MGAT4C: variants seen among roughly 807,000 people sequenced by gnomAD.
The protein encoded by MGAT4C is alpha-1,3-mannosyl-glycoprotein 4-beta-N-acetylglucosaminyltransferase C.
MGAT4C carries 19 observed loss-of-function variants against 40.1 expected under a neutral mutation model. The observed-to-expected ratio is 0.47, with a 90% CI of 0.33 to 0.70. The LOEUF is 0.70. Among genes scored for constraint, MGAT4C ranks in the 30% least tolerant of loss-of-function variants. The pLI is 0.02. For missense variants in MGAT4C, 491 were observed against 563.2 expected, an observed-to-expected ratio of 0.87 and a Z score of 1.30; for synonymous variants, 181 against 187.1, an observed-to-expected ratio of 0.97 and a Z score of 0.27.
At chr12:86,094,053 TAG>T (rs1254510562) in intron 1 of MGAT4C, among the ~76,000 whole-genome samples, 2 of 152,172 alleles carry the variant, frequency 1.3e-5, no homozygotes, top group Admixed American at 1.3e-4. Flanking sequence ...TTGCCAGATT[TAG>T]AGATTGTGTA....
chr12:86,664,192 C>T (rs370664180), intron 2 of MGAT4C, among the ~76,000 whole-genome samples: 136 of 151,850 alleles, frequency 9.0e-4, no homozygotes, highest in African/African-American at 2.8e-3. Flanking sequence ...GTGTAACATC[C>T]GGAGACAATG....
intron 1 of MGAT4C, among the ~76,000 whole-genome samples, chr12:86,083,583 C>T (rs891414498): frequency 8.6e-5 from 13 of 151,884 alleles, no homozygotes; most frequent in African/African-American, 2.9e-4. Context: ...CACAGAGACA[C>T]GATTGAGGAT....
chr12:86,248,923 C>T (rs1952154320), intron 1 of MGAT4C, among the ~76,000 whole-genome samples: 1 of 152,098 alleles, frequency 6.6e-6, no homozygotes. Context: ...TTTCCATCTT[C>T]CCCCATTATT....
In MGAT4C at chr12:86,396,619, G is replaced by C. The variant is rs58696546; in HGVS notation, c.-120+38538C>G. Reference sequence around the variant, plus strand: ...CAAAATGAAACAAAAACACAAAGGTGGGGGAGAAGGAGTGAGATAGGATGC... The same window carrying C: ...CAAAATGAAACAAAAACACAAAGGTCGGGGAGAAGGAGTGAGATAGGATGC... On this transcript the variant is annotated intron_variant, in intron 3 of 7. Transcript: ENST00000548651. Among the ~76,000 whole-genome samples the C allele has an allele frequency of 4.4e-3, 673 of 152,216 alleles. 1 individual carries two copies. The highest frequency in any genetic ancestry group is 0.01 in the Middle Eastern group (3 of 294).
intron 2 of MGAT4C, among the ~76,000 whole-genome samples, chr12:86,546,234 T>C (rs904876326): frequency 6.6e-6 from 1 of 151,890 alleles, no homozygotes; most frequent in African/African-American, 2.4e-5. Context: ...GAAAACAATT[T>C]TCATCATTGA....
intron 2 of MGAT4C, among the ~76,000 whole-genome samples, chr12:86,670,778 C>T (rs190316777): frequency 2.0e-5 from 3 of 152,242 alleles, no homozygotes; most frequent in East Asian, 1.9e-4. Context: ...CTGTCCAAGG[C>T]CAATGCTAAA....
chr12:86,451,049 G>A (rs1430165781), intron 2 of MGAT4C, among the ~76,000 whole-genome samples: 2 of 152,108 alleles, frequency 1.3e-5, no homozygotes, highest in Non-Finnish European at 2.9e-5. Context: ...TTGGATGTAT[G>A]TCTCACACAA....
At chr12:86,042,725 G>T (rs1162198943) in intron 2 of MGAT4C, among the ~76,000 whole-genome samples, 1 of 151,812 alleles carries the variant, frequency 6.6e-6, no homozygotes, top group South Asian at 2.1e-4. Flanking sequence ...AAAATTAGCT[G>T]GGCGTGGTGG....
At chr12:86,668,845 C>A (rs1964179583) in intron 2 of MGAT4C, among the ~76,000 whole-genome samples, 1 of 152,170 alleles carries the variant, frequency 6.6e-6, no homozygotes, top group Non-Finnish European at 1.5e-5. Context: ...TGTGCCATTG[C>A]TTGGTGCTCA....
At chr12:86,469,570 T>G (rs1263683158) in intron 2 of MGAT4C, among the ~76,000 whole-genome samples, 1 of 152,170 alleles carries the variant, frequency 6.6e-6, no homozygotes, top group East Asian at 1.9e-4. Context: ...AACAGTCATG[T>G]GAATCAGGTA....
intron 1 of MGAT4C, among the ~76,000 whole-genome samples, chr12:86,767,619 A>G (rs1417579441): frequency 6.6e-6 from 1 of 152,216 alleles, no homozygotes; most frequent in Non-Finnish European, 1.5e-5. Context: ...AATCCTCTAT[A>G]AAATACTGGC....
At chr12:86,354,062 T>C (rs920560087) in intron 3 of MGAT4C, among the ~76,000 whole-genome samples, 5 of 152,172 alleles carry the variant, frequency 3.3e-5, no homozygotes, top group Admixed American at 3.3e-4. Context: ...CGAAAAAACT[T>C]TGATATGATG....
At position 86,306,550 on chromosome 12, in the gene MGAT4C, T is replaced by TA. The variant is rs575939139; in HGVS notation, c.-57+27514dup. On this transcript the variant is annotated intron_variant, in intron 4 of 7. Transcript: ENST00000548651. ...GGTTGGGTGGTGAAGTGTTTGACAG[T>TA]AAAAAAAGTATGAAGGTATGAAGGT... is the stretch of plus-strand genomic sequence containing the variant. Among the ~76,000 whole-genome samples the TA allele has an allele frequency of 3.1e-3, 471 of 150,338 alleles. 37 individuals carry two copies. Among genetic ancestry groups the TA allele is most frequent in the African/African-American group, 0.011 (450 of 39,922 alleles).
chr12:86,210,014 G>T (rs1054094912), intron 1 of MGAT4C, among the ~76,000 whole-genome samples: 1 of 152,048 alleles, frequency 6.6e-6, no homozygotes. Context: ...TTCTCTCAAA[G>T]ATAAGGGCTG....
chr12:86,024,634 T>A (rs779753035), intron 2 of MGAT4C, among the ~76,000 whole-genome samples: 1 of 151,790 alleles, frequency 6.6e-6, no homozygotes, highest in Non-Finnish European at 1.5e-5. Flanking sequence ...AATTTCAGGT[T>A]AACTCAAGGT....
chr12:86,391,634 G>A (rs1487468052), intron 3 of MGAT4C, among the ~76,000 whole-genome samples: 5 of 152,058 alleles, frequency 3.3e-5, no homozygotes, highest in Non-Finnish European at 7.4e-5. Context: ...TGAGGCGGGC[G>A]GATAACCAGG....
At chr12:86,672,479 CA>C in intron 2 of MGAT4C, among the ~76,000 whole-genome samples, 1 of 151,856 alleles carries the variant, frequency 6.6e-6, no homozygotes, top group African/African-American at 2.4e-5. Context: ...AAAACACCAA[CA>C]AAATGAAATG....
intron 2 of MGAT4C, among the ~76,000 whole-genome samples, chr12:86,535,973 C>T (rs926776749): frequency 5.9e-5 from 9 of 152,010 alleles, no homozygotes; most frequent in Non-Finnish European, 1.0e-4. Flanking sequence ...AATACTGATA[C>T]GATTATCTAC....
At chr12:86,645,316 CT>C (rs777056269) in intron 2 of MGAT4C, among the ~76,000 whole-genome samples, 1 of 151,624 alleles carries the variant, frequency 6.6e-6, no homozygotes, top group Non-Finnish European at 1.5e-5. Context: ...AAATTTTATT[CT>C]ACTGAGATCA....
Sources: gnomAD v4.1 joint callset for allele counts (sites outside exome capture counted in the v4.1 genomes callset) on GRCh38, gnomAD v4.1.1 for gene constraint, MANE v1.5 for transcripts, NCBI Gene and HGNC (gene_info 2026-07-23, HGNC 2026-07-21) for gene names.